ZNF324B: variants seen among roughly 807,000 people sequenced by gnomAD.
ZNF324B encodes zinc finger protein 324B.
In ZNF324B, 7 loss-of-function variants were observed where a neutral mutation model predicts 10.6. That is an observed-to-expected ratio of 0.66 (90% CI 0.38 to 1.24). ZNF324B has a LOEUF of 1.24. Ranked by LOEUF, ZNF324B falls within the 50% of genes most tolerant of loss-of-function variation. The pLI is 0.02. For missense variants in ZNF324B, 640 were observed against 764.7 expected, an observed-to-expected ratio of 0.84 and a Z score of 1.92; for synonymous variants, 316 against 321.0, an observed-to-expected ratio of 0.98 and a Z score of 0.17.
the ZNF324B span, among the ~76,000 whole-genome samples, chr19:58,425,542 C>T: frequency 2.7e-5 from 4 of 149,434 alleles, no homozygotes; most frequent in African/African-American, 9.9e-5. Flanking sequence ...GTGATCTTGG[C>T]TCATTGCAAC....
Position 58,454,358 on chromosome 19 carries a change from C to G in ZNF324B, c.238+14C>G. 1 of 1,582,238 alleles carries G rather than the reference C, an allele frequency of 6.3e-7. No individual in the cohort carries two copies. On this transcript the variant is annotated intron_variant, in intron 3 of 3. Transcript: ENST00000336614. ...GGCTCAACTCTGGTGAGTGGGAGCT[C>G]AGGTGGGGTGAACTAAGGACCAACC...
chr19:58,456,460 G>T lies in ZNF324B; in HGVS notation c.1516G>T (p.Glu506Ter), dbSNP rs762263405. 1.2e-6 allele frequency: 2 copies of T among 1,614,060 alleles called. No individual in the cohort carries two copies. Among genetic ancestry groups the T allele is most frequent in the South Asian group, 2.2e-5 (2 of 91,078 alleles). ...LLHHQRIHTT[E>*]KTNAAAPDCT... ...GCACCACCAGAGGATCCACACCACA[G>T]AGAAGACCAATGCCGCAGCACCAGA... The change falls in exon 4 of 4, where the codon GAG (glutamate) becomes TAG (stop). Residue 506 changes from glutamate (E) to a stop codon, truncating the protein, a stop_gained. Coordinates refer to ENST00000336614, the MANE Select transcript of ZNF324B (RefSeq NM_207395.3). LOFTEE classifies it low-confidence loss of function (END_TRUNC). This position sits in a 1 kb window ranked among gnomAD's most constrained non-coding sequence, Gnocchi z 4.7.
the ZNF324B span, chr19:58,434,407 G>A: frequency 6.2e-7 from 1 of 1,614,236 alleles, no homozygotes; most frequent in South Asian, 1.1e-5. Flanking sequence ...ACACTCATAA[G>A]GTCTTTCTCC....
At chr19:58,425,990 T>G in the ZNF324B span, among the ~76,000 whole-genome samples, 1 of 152,240 alleles carries the variant, frequency 6.6e-6, no homozygotes, top group Non-Finnish European at 1.5e-5. Flanking sequence ...GATCACCTTC[T>G]TGAATCACAG....
At chr19:58,426,302 T>A in the ZNF324B span, among the ~76,000 whole-genome samples, 1 of 152,212 alleles carries the variant, frequency 6.6e-6, no homozygotes, top group Non-Finnish European at 1.5e-5. Flanking sequence ...CATCCGTGTA[T>A]AATGGCTGAA....
At chr19:58,436,667 CAAAAAAAA>C in the ZNF324B span, among the ~76,000 whole-genome samples, 84 of 65,556 alleles carry the variant, frequency 1.3e-3, 1 homozygote, top group African/African-American at 4.8e-3. Flanking sequence ...GACTCCATCT[CAAAAAAAA>C]AAAAAAAAAA....
At chr19:58,433,402 CT>C in the ZNF324B span, 1 of 1,614,180 alleles carries the variant, frequency 6.2e-7, no homozygotes, top group South Asian at 1.1e-5. Flanking sequence ...CTCATAAGTC[CT>C]TTCTCTGGTG....
chr19:58,427,470 C>T, the ZNF324B span, among the ~76,000 whole-genome samples: 1 of 100,912 alleles, frequency 9.9e-6, no homozygotes, highest in African/African-American at 4.4e-5. Flanking sequence ...TCCTTCCTTC[C>T]TTCCTTCCTT....
chr19:58,451,870 G>A, intron 1 of ZNF324B, 166 bp downstream of exon 1: 1 of 253,578 alleles, frequency 3.9e-6, no homozygotes, highest in South Asian at 3.2e-5. Context: ...CTGCCGGGCA[G>A]GCTGAGGCGC....
At chr19:58,419,853 C>T in the ZNF324B span, among the ~76,000 whole-genome samples, 136 of 152,268 alleles carry the variant, frequency 8.9e-4, no homozygotes, top group African/African-American at 3.1e-3. Context: ...TGCTGTGTCA[C>T]GCAGCCTGGA....
chr19:58,456,266 C>T lies in ZNF324B; in HGVS notation c.1322C>T (p.Thr441Ile), dbSNP rs2052920209. The stretch of plus-strand genomic sequence containing the variant: ...TCCTTTAGCCGCAGCTCCAACCTCA[C>T]CCAGCACCAGCTCCTGCACACGGGC... ...GRSFSRSSNL[T>I]QHQLLHTGER... is the part of the protein sequence containing the mutation. Residue 441 changes from threonine to isoleucine, a missense_variant, in exon 4 of 4, where the codon ACC becomes ATC. Coordinates refer to ENST00000336614, the MANE Select transcript of ZNF324B (RefSeq NM_207395.3). The surrounding 1 kb of genome is among the most constrained non-coding windows in gnomAD (Gnocchi z 4.7). 6.2e-7 allele frequency: 1 copy of T among 1,613,100 alleles called. No homozygotes were observed. Among genetic ancestry groups the T allele is most frequent in the Non-Finnish European group, 8.5e-7 (1 of 1,179,856 alleles).
Position 58,455,998 on chromosome 19 carries a change from C to G in ZNF324B, c.1054C>G (p.His352Asp). ...CTCCGAGTGCGGCAAGGCCTTCAGCCACGGCTCCAACCTCAGCCAGCACCG... is the reference window on the plus strand; with the variant it reads ...CTCCGAGTGCGGCAAGGCCTTCAGCGACGGCTCCAACCTCAGCCAGCACCG... ...RCSECGKAFS[H>D]GSNLSQHRKI... Residue 352 changes from histidine (H) to aspartate (D), a missense_variant, in exon 4 of 4, where the codon CAC (histidine) becomes GAC (aspartate). By Grantham distance (81) the His-to-Asp change is moderately conservative. This residue lies in a region of ZNF324B where 57 missense variants were observed against 118.8 expected (regional missense o/e 0.48). Transcript: ENST00000336614. This position sits in a 1 kb window ranked among gnomAD's most constrained non-coding sequence, Gnocchi z 7.0. The G allele has an allele frequency of 6.3e-7, 1 of 1,595,224 alleles. No individual in the cohort carries two copies. The highest frequency in any genetic ancestry group is 8.6e-7 in the Non-Finnish European group (1 of 1,168,860).
chr19:58,450,491 A>C (rs2052848577), upstream of ZNF324B, among the ~76,000 whole-genome samples: 1 of 152,112 alleles, frequency 6.6e-6, no homozygotes, highest in African/African-American at 2.4e-5. Context: ...AAGTAAAAAA[A>C]AATTGCTTGA....
the ZNF324B span, among the ~76,000 whole-genome samples, chr19:58,424,306 G>C: frequency 6.6e-6 from 1 of 152,074 alleles, no homozygotes; most frequent in Non-Finnish European, 1.5e-5. Context: ...GGAAAAGCAC[G>C]TGTTGGGAGA....
chr19:58,427,789 G>A, the ZNF324B span, among the ~76,000 whole-genome samples: 1 of 151,858 alleles, frequency 6.6e-6, no homozygotes, highest in Non-Finnish European at 1.5e-5. Flanking sequence ...CTGGAAACAG[G>A]CATGCCACAA....
the ZNF324B span, among the ~76,000 whole-genome samples, chr19:58,422,861 A>G: frequency 6.6e-6 from 1 of 152,070 alleles, no homozygotes; most frequent in Non-Finnish European, 1.5e-5. Flanking sequence ...GAGAATTAAT[A>G]TATTTTGTTT....
chr19:58,447,815 G>A (rs2052834646), upstream of ZNF324B, among the ~76,000 whole-genome samples: 1 of 152,220 alleles, frequency 6.6e-6, no homozygotes, highest in Non-Finnish European at 1.5e-5. Flanking sequence ...GAGGGACCCA[G>A]TGGGAGATAA....
At position 58,456,309 on chromosome 19, in the gene ZNF324B, C is replaced by T. The variant is rs1008335062; in HGVS notation, c.1365C>T (p.Cys455=). 5 of 1,612,792 alleles carry T rather than the reference C, an allele frequency of 3.1e-6. No homozygotes were observed. Among genetic ancestry groups the T allele is most frequent in the South Asian group, 1.1e-5 (1 of 91,068 alleles). Residue 455 remains cysteine, a synonymous_variant, in exon 4 of 4, where the codon TGC becomes TGT. Transcript: ENST00000336614. This position sits in a 1 kb window ranked among gnomAD's most constrained non-coding sequence, Gnocchi z 4.7. ...ACACGGGCGAGCGGCCCTTCCGCTGCGTGGACTGTGGCAAGGGTTTCGCCA... is the reference window on the plus strand; with the variant it reads ...ACACGGGCGAGCGGCCCTTCCGCTGTGTGGACTGTGGCAAGGGTTTCGCCA... The part of the protein sequence containing the change: ...LLHTGERPFR[C]VDCGKGFAKG...
the ZNF324B span, chr19:58,433,322 C>T: frequency 3.7e-6 from 6 of 1,608,228 alleles, no homozygotes; most frequent in Non-Finnish European, 3.4e-6. Context: ...TAAGGCTCCA[C>T]TCAGGTATGA....
Sources: allele counts gnomAD v4.1 joint callset (sites outside exome capture counted in the v4.1 genomes callset), GRCh38; gene constraint gnomAD v4.1.1; regional missense constraint gnomAD v4.1.1; non-coding constraint Gnocchi (gnomAD v3.1); transcripts MANE v1.5; gene names NCBI Gene and HGNC (gene_info 2026-07-23, HGNC 2026-07-21).